Variants in NRXN1 observed in about 807,000 individuals in gnomAD.
NRXN1 encodes the protein neurexin-1.
In NRXN1, 39 loss-of-function variants were observed where a neutral mutation model predicts 150.9. The observed-to-expected ratio is 0.26, with a 90% CI of 0.20 to 0.34. The LOEUF is 0.34. Ranked by LOEUF, NRXN1 falls within the 10% of genes least tolerant of loss-of-function variation. NRXN1 has a pLI of 1.00. For synonymous variants in NRXN1, 924 were observed against 757.0 expected, an observed-to-expected ratio of 1.22 and a Z score of -3.62; for missense variants, 1,815 against 1,949.9, an observed-to-expected ratio of 0.93 and a Z score of 1.30.
At chr2:49,976,447 C>T (rs899117668) in intron 21 of NRXN1, among the ~76,000 whole-genome samples, 26 of 152,158 alleles carry the variant, frequency 1.7e-4, no homozygotes, top group African/African-American at 5.5e-4. Flanking sequence ...TATTAGGTAT[C>T]ATTTTATACA....
At chr2:50,612,747 C>T (rs1434067054) in intron 8 of NRXN1, among the ~76,000 whole-genome samples, 1 of 152,144 alleles carries the variant, frequency 6.6e-6, no homozygotes, top group Non-Finnish European at 1.5e-5. Context: ...AAGTGCTCTA[C>T]TAACAGGACT....
chr2:50,840,561 A>T (rs1407945257), intron 5 of NRXN1, among the ~76,000 whole-genome samples: 1 of 152,090 alleles, frequency 6.6e-6, no homozygotes. Context: ...ACCAATTTCA[A>T]TTACGTACTT....
intron 6 of NRXN1, among the ~76,000 whole-genome samples, chr2:50,622,290 AACCTTTC>A (rs1281403586): frequency 6.6e-6 from 1 of 152,158 alleles, no homozygotes; most frequent in Admixed American, 6.6e-5. Flanking sequence ...AGATAGTATA[AACCTTTC>A]AGAACAGGAA....
Position 50,053,281 on chromosome 2 carries a change from G to T in NRXN1, c.4118C>A (p.Pro1373His). 1 of 1,613,894 alleles carries T rather than the reference G, an allele frequency of 6.2e-7. No individual in the cohort carries two copies. Among genetic ancestry groups the T allele is most frequent in the Non-Finnish European group, 8.5e-7 (1 of 1,179,846 alleles). Residue 1373 changes from proline to histidine, a missense_variant, in exon 21 of 23, where the codon CCC (proline) becomes CAC (histidine). By Grantham distance (77) the Pro-to-His change is moderately conservative. Around this residue, in one of 6 missense-constraint regions of NRXN1, gnomAD observed 265 missense variants for 307.1 expected, o/e 0.86. Coordinates refer to ENST00000401669, the MANE Select transcript of NRXN1 (RefSeq NM_001330078.2). ...ARRGKPPTKE[P>H]ISQTTDDILV... Reference sequence around the variant, plus strand: ...AATCCACAGGCTCACCTGGCTAATGGGTTCTTTTGTCGGGGGCTTTCCTCT... The same window carrying T: ...AATCCACAGGCTCACCTGGCTAATGTGTTCTTTTGTCGGGGGCTTTCCTCT...
intron 21 of NRXN1, among the ~76,000 whole-genome samples, chr2:50,032,114 A>T (rs1689262768): frequency 6.6e-6 from 1 of 152,110 alleles, no homozygotes; most frequent in Non-Finnish European, 1.5e-5. Flanking sequence ...AAAATGATAG[A>T]TATGCTATTT....
Position 49,918,563 on chromosome 2 carries a change from T to C in NRXN1, c.*3381A>G, listed in dbSNP as rs1667694052. 6.6e-6 allele frequency: 1 copy of C among 152,260 alleles called. No homozygotes were observed. Among genetic ancestry groups the C allele is most frequent in the Non-Finnish European group, 1.5e-5 (1 of 67,980 alleles). 9.4% of individuals were successfully genotyped at this position (152,260 alleles called of 1,614,324 possible). A position where few individuals can be genotyped will look rare whatever the true frequency, so the allele number is the denominator to read the frequency against. ...TTAACTTGGATTCCATTGTCTTTTA[T>C]AGAGAAAAAGCATATTTATGAAATT... On this transcript the variant is annotated 3_prime_UTR_variant, in exon 23 of 23. Transcript: ENST00000401669.
At chr2:50,758,085 A>T (rs1278598618) in intron 5 of NRXN1, 2 of 151,860 alleles carry the variant, frequency 1.3e-5, no homozygotes, top group Non-Finnish European at 2.9e-5. Context: ...TGGAGTCTGC[A>T]GTCAGAAATT....
At chr2:50,225,958 G>T (rs1245510013) in intron 18 of NRXN1, among the ~76,000 whole-genome samples, 1 of 151,874 alleles carries the variant, frequency 6.6e-6, no homozygotes, top group Admixed American at 6.6e-5. Flanking sequence ...TATACTAAAG[G>T]GTAGGGTTGT....
chr2:49,929,127 T>C (rs549415629), intron 22 of NRXN1, among the ~76,000 whole-genome samples: 10 of 152,244 alleles, frequency 6.6e-5, no homozygotes, highest in Admixed American at 5.9e-4. Context: ...TCCAGAGATC[T>C]AGGTATTGAA....
At chr2:50,090,001 G>A (rs535376655) in intron 19 of NRXN1, among the ~76,000 whole-genome samples, 12 of 152,162 alleles carry the variant, frequency 7.9e-5, no homozygotes, top group Admixed American at 2.6e-4. Flanking sequence ...CCAAGACATC[G>A]ATTCAGCAAA....
chr2:50,418,126 C>T (rs1005167172), intron 17 of NRXN1, among the ~76,000 whole-genome samples: 3 of 151,860 alleles, frequency 2.0e-5, no homozygotes, highest in Non-Finnish European at 4.4e-5. Flanking sequence ...ATTTTATTTC[C>T]TTTGTACTTG....
intron 22 of NRXN1, among the ~76,000 whole-genome samples, chr2:49,938,722 A>G (rs1671462376): frequency 6.6e-6 from 1 of 152,206 alleles, no homozygotes; most frequent in South Asian, 2.1e-4. Context: ...GCTCCAGAAA[A>G]CAGGAGGCAG....
intron 2 of NRXN1, chr2:51,026,531 G>A (rs1322277502): frequency 1.8e-6 from 2 of 1,115,022 alleles, no homozygotes; most frequent in East Asian, 2.5e-5. Flanking sequence ...ACTGTTTTAA[G>A]CCCCAAGAAC....
At chr2:50,116,574 A>G (rs1703100294) in intron 18 of NRXN1, among the ~76,000 whole-genome samples, 1 of 152,068 alleles carries the variant, frequency 6.6e-6, no homozygotes, top group Non-Finnish European at 1.5e-5. Context: ...AAGTTACCAA[A>G]GTTGCTTTGC....
chr2:50,449,570 T>C (rs903595873), intron 17 of NRXN1, among the ~76,000 whole-genome samples: 1 of 152,196 alleles, frequency 6.6e-6, no homozygotes, highest in Non-Finnish European at 1.5e-5. Flanking sequence ...TTTGCATCTT[T>C]AGTAAGCTTG....
At chr2:51,011,498 G>T (rs1408110845) in intron 2 of NRXN1, among the ~76,000 whole-genome samples, 1 of 151,994 alleles carries the variant, frequency 6.6e-6, no homozygotes, top group Non-Finnish European at 1.5e-5. Flanking sequence ...TATCAGGGAT[G>T]ATTTCACAGA....
At chr2:50,778,174 A>G (rs1703894255) in intron 5 of NRXN1, among the ~76,000 whole-genome samples, 1 of 152,132 alleles carries the variant, frequency 6.6e-6, no homozygotes, top group South Asian at 2.1e-4. Flanking sequence ...AACCTGTCAG[A>G]TTCCACAGGG....
At chr2:50,553,747 T>C (rs2105349868) in intron 8 of NRXN1, among the ~76,000 whole-genome samples, 1 of 152,334 alleles carries the variant, frequency 6.6e-6, no homozygotes, top group African/African-American at 2.4e-5. Context: ...TTTACACAAA[T>C]GCTGCGCAAG....
At chr2:50,718,764 C>A (rs858941) in intron 5 of NRXN1, among the ~76,000 whole-genome samples, 1 of 152,028 alleles carries the variant, frequency 6.6e-6, no homozygotes, top group South Asian at 2.1e-4. Context: ...AAATTTCATA[C>A]TTGAGAGAAC....
Sources: allele counts gnomAD v4.1 joint callset (sites outside exome capture counted in the v4.1 genomes callset), GRCh38; gene constraint gnomAD v4.1.1; regional missense constraint gnomAD v4.1.1; transcripts MANE v1.5; gene names NCBI Gene and HGNC (gene_info 2026-07-23, HGNC 2026-07-21).